Variants in ACYP2 observed in about 807,000 individuals in gnomAD.
ACYP2 encodes the protein acylphosphatase-2.
A neutral mutation model predicts 11.2 loss-of-function variants in ACYP2; 12 were observed. The observed-to-expected ratio is 1.08, with a 90% confidence interval of 0.69 to 1.74. The LOEUF is 1.74. Among genes scored for constraint, ACYP2 ranks in the 40% most tolerant of loss-of-function variants. The pLI is 0.00. For missense variants in ACYP2, 134 were observed against 101.9 expected (o/e 1.31, Z -1.35); for synonymous variants, 43 against 32.2 (o/e 1.33, Z -1.13).
intron 2 of ACYP2, among the ~76,000 whole-genome samples, chr2:54,019,217 C>T (rs541649165): frequency 6.6e-6 from 1 of 151,796 alleles, no homozygotes; most frequent in Non-Finnish European, 1.5e-5. Context: ...TAGGTGCATG[C>T]CACCACACTT....
At chr2:53,994,512 C>CAAAAAA (rs759787287) in intron 2 of ACYP2, among the ~76,000 whole-genome samples, 1 of 30,500 alleles carries the variant, frequency 3.3e-5, no homozygotes. Context: ...GAGTAAGACT[C>CAAAAAA]AGAAAAAAAA....
At chr2:54,114,886 G>A (rs1679663490) in intron 4 of ACYP2, among the ~76,000 whole-genome samples, 1 of 152,220 alleles carries the variant, frequency 6.6e-6, no homozygotes, top group East Asian at 1.9e-4. Flanking sequence ...AGCTCAAGAT[G>A]TTGCAGACCT....
At chr2:54,048,297 C>T (rs1482867575) in intron 2 of ACYP2, among the ~76,000 whole-genome samples, 2 of 152,046 alleles carry the variant, frequency 1.3e-5, no homozygotes, top group East Asian at 3.9e-4. Flanking sequence ...TGTGGTGGCA[C>T]ACCCTATGGC....
intron 6 of ACYP2, among the ~76,000 whole-genome samples, chr2:54,247,219 C>A (rs1003583448): frequency 6.6e-6 from 1 of 152,178 alleles, no homozygotes; most frequent in South Asian, 2.1e-4. Flanking sequence ...TCTCATCTCA[C>A]TTCTGGGACT....
intron 2 of ACYP2, among the ~76,000 whole-genome samples, chr2:53,976,789 C>T (rs1292806029): frequency 2.0e-5 from 3 of 152,142 alleles, no homozygotes; most frequent in African/African-American, 7.2e-5. Flanking sequence ...TTCAGTTTCT[C>T]ATAAGGAAAA....
chr2:54,234,097 C>T (rs573563322), intron 6 of ACYP2, among the ~76,000 whole-genome samples: 1 of 152,082 alleles, frequency 6.6e-6, no homozygotes. Context: ...AATGATTTTC[C>T]CGTTGAAACT....
intron 2 of ACYP2, among the ~76,000 whole-genome samples, chr2:54,024,766 G>T (rs1674187756): frequency 6.6e-6 from 1 of 152,022 alleles, no homozygotes; most frequent in Non-Finnish European, 1.5e-5. Context: ...AGAAATCAAG[G>T]GCATCCAATT....
chr2:54,052,593 G>C (rs1283643826), intron 3 of ACYP2, among the ~76,000 whole-genome samples: 1 of 152,154 alleles, frequency 6.6e-6, no homozygotes, highest in Non-Finnish European at 1.5e-5. Context: ...CAGCTGTTCT[G>C]TTGACAGTCT....
chr2:54,018,816 C>G (rs13401851), intron 2 of ACYP2, among the ~76,000 whole-genome samples: 1 of 152,042 alleles, frequency 6.6e-6, no homozygotes, highest in Admixed American at 6.6e-5. Context: ...GGCTCCATCT[C>G]GGCTCACTAC....
chr2:54,136,229 C>T (rs1572837317), intron 5 of ACYP2, among the ~76,000 whole-genome samples: 1 of 152,100 alleles, frequency 6.6e-6, no homozygotes, highest in Non-Finnish European at 1.5e-5. Context: ...TTAGTAGAGA[C>T]AGGGTTTCAC....
At chr2:54,182,727 A>G (rs761872801) in intron 6 of ACYP2, among the ~76,000 whole-genome samples, 2 of 152,198 alleles carry the variant, frequency 1.3e-5, no homozygotes, top group Admixed American at 6.5e-5. Flanking sequence ...ACGCAAAGTC[A>G]CATAACTGGC....
intron 6 of ACYP2, among the ~76,000 whole-genome samples, chr2:54,258,280 G>GA (rs1394374429): frequency 7.9e-5 from 12 of 152,212 alleles, no homozygotes; most frequent in Non-Finnish European, 1.6e-4. Flanking sequence ...AAGCCTCATT[G>GA]AAAATATGAG....
intron 2 of ACYP2, among the ~76,000 whole-genome samples, chr2:53,973,995 C>G (rs1443439607): frequency 6.7e-6 from 1 of 150,314 alleles, no homozygotes; most frequent in Non-Finnish European, 1.5e-5. Context: ...CAATCTCCGC[C>G]TCCGGGGTTC....
At chr2:53,995,818 C>T (rs971685110) in intron 2 of ACYP2, among the ~76,000 whole-genome samples, 1 of 152,054 alleles carries the variant, frequency 6.6e-6, no homozygotes, top group African/African-American at 2.4e-5. Context: ...ATTTCCAAAG[C>T]GTTTTTATAT....
intron 2 of ACYP2, among the ~76,000 whole-genome samples, chr2:54,041,062 TTC>T (rs1427726784): frequency 6.6e-6 from 1 of 151,886 alleles, no homozygotes; most frequent in Non-Finnish European, 1.5e-5. Flanking sequence ...GCCTTTTCTT[TTC>T]TTTTTTTCTT....
intron 2 of ACYP2, among the ~76,000 whole-genome samples, chr2:54,006,072 C>T (rs1673048937): frequency 6.6e-6 from 1 of 152,260 alleles, no homozygotes; most frequent in Non-Finnish European, 1.5e-5. Context: ...CAGGCTCAGT[C>T]TCCTGGGATC....
chr2:54,229,336 C>T (rs549062605), intron 6 of ACYP2, among the ~76,000 whole-genome samples: 1 of 152,062 alleles, frequency 6.6e-6, no homozygotes, highest in African/African-American at 2.4e-5. Context: ...TGTTGTTATT[C>T]TTTTATTATT....
intron 4 of ACYP2, among the ~76,000 whole-genome samples, chr2:54,062,233 G>T (rs561094471): frequency 6.6e-6 from 1 of 152,134 alleles, no homozygotes; most frequent in African/African-American, 2.4e-5. Flanking sequence ...CTGGGGTAGA[G>T]CTTGGGCTTG....
intron 2 of ACYP2, chr2:54,050,833 AG>A (rs1424315739): frequency 2.7e-6 from 1 of 365,420 alleles, no homozygotes; most frequent in Non-Finnish European, 4.9e-6. Flanking sequence ...GGAGTGCAGT[AG>A]CACCATCATG....
Sources: allele counts gnomAD v4.1 joint callset (sites outside exome capture counted in the v4.1 genomes callset), GRCh38; gene constraint gnomAD v4.1.1; transcripts MANE v1.5; gene names NCBI Gene and HGNC (gene_info 2026-07-23, HGNC 2026-07-21).